The following BCAT2 variants were observed in gnomAD, a reference collection of about 807,000 sequenced individuals.
BCAT2 encodes branched-chain-amino-acid aminotransferase, mitochondrial.
A neutral mutation model predicts 52.9 loss-of-function variants in BCAT2; 44 were observed. That is an observed-to-expected ratio of 0.83 (90% CI 0.65 to 1.07). BCAT2 has a LOEUF of 1.07. BCAT2 is among the 50% of genes least tolerant of loss of function. The pLI, the probability that BCAT2 is intolerant of heterozygous loss-of-function variation, is 0.00. For missense variants in BCAT2, 478 were observed against 521.8 expected (o/e 0.92, Z 0.82); for synonymous variants, 215 against 217.1 (o/e 0.99, Z 0.08).
At position 48,807,143 on chromosome 19, in the gene BCAT2, ACCT is replaced by A. The variant is rs2034806424; in HGVS notation, c.25-72_25-70del. Reference sequence around the variant, plus strand: ...CAGGGGCCCTGGCAGCTCGCTCGCCACCTCCTGCACTTGGAGGTCCCACTGGCC... The same window carrying A: ...CAGGGGCCCTGGCAGCTCGCTCGCCACCTGCACTTGGAGGTCCCACTGGCC... On this transcript the variant is annotated intron_variant, in intron 1 of 10. Coordinates refer to ENST00000316273, the MANE Select transcript of BCAT2 (RefSeq NM_001190.4). The surrounding 1 kb of genome is among the most constrained non-coding windows in gnomAD (Gnocchi z 4.6). The A allele has an allele frequency of 7.5e-7, 1 of 1,335,908 alleles. No homozygotes were observed. The highest frequency in any genetic ancestry group is 1.0e-6 in the Non-Finnish European group (1 of 955,940). The allele number at this position is 1,335,908 out of a possible 1,614,324, so 82.8% of individuals were successfully genotyped here. A position where few individuals can be genotyped will look rare whatever the true frequency, so the allele number is the denominator to read the frequency against.
chr19:48,807,103 G>T lies in BCAT2; in HGVS notation c.25-29C>A. On this transcript the variant is annotated intron_variant, in intron 1 of 10. Transcript: ENST00000316273. The surrounding 1 kb of genome is among the most constrained non-coding windows in gnomAD (Gnocchi z 4.6). Reference sequence around the variant, plus strand: ...GGTGGAGAAAGAAGTGAGAGAGGGGGTGAGTGGGGCACAGCAGGGGCCCTG... The same window carrying T: ...GGTGGAGAAAGAAGTGAGAGAGGGGTTGAGTGGGGCACAGCAGGGGCCCTG... 3 of 1,594,308 alleles carry T rather than the reference G, an allele frequency of 1.9e-6. No individual in the cohort carries two copies. Among genetic ancestry groups the T allele is most frequent in the Non-Finnish European group, 2.6e-6 (3 of 1,165,094 alleles).
chr19:48,804,905 A>C (rs1005400862), intron 3 of BCAT2, among the ~76,000 whole-genome samples: 2 of 151,596 alleles, frequency 1.3e-5, no homozygotes, highest in Non-Finnish European at 2.9e-5. Context: ...CTGTGATTGG[A>C]GGTGTGTGTG....
chr19:48,795,488 G>T (rs1263162988), intron 10 of BCAT2, 24 bp from the exon 11 acceptor site: 4 of 1,613,318 alleles, frequency 2.5e-6, no homozygotes, highest in Non-Finnish European at 3.4e-6. Context: ...GAGGCAGTGC[G>T]TGAGGTGGAA....
At chr19:48,808,304 CAGGAG>C in intron 1 of BCAT2, 1 of 968,284 alleles carries the variant, frequency 1.0e-6, no homozygotes, top group Non-Finnish European at 1.2e-6. Context: ...AGCCTGTGGG[CAGGAG>C]AGCTGCCCTC....
chr19:48,797,548 CTTTTCTTTT>C, intron 6 of BCAT2: 1 of 590,914 alleles, frequency 1.7e-6, no homozygotes, highest in Non-Finnish European at 2.9e-6. Flanking sequence ...ACTTTTCTTT[CTTTTCTTTT>C]CTTTTTTTTT....
rs2034736248 is a variant in BCAT2 at position 48,805,005 on chromosome 19, G to GAAGA, written c.300+1508_300+1511dup. Among the ~76,000 whole-genome samples the GAAGA allele has an allele frequency of 3.3e-5, 5 of 151,990 alleles. No individual in the cohort carries two copies. The South Asian group carries it at 1.0e-3, about 31-fold the overall frequency. ...AAACCTTAAAATTCTGGAAAGGAAG[G>GAAGA]AAGAAAGGAAAAAACAGAGGGAGGG... On this transcript the variant is annotated intron_variant, in intron 3 of 10. Transcript: ENST00000316273.
intron 1 of BCAT2, among the ~76,000 whole-genome samples, chr19:48,810,404 C>G (rs376171970): frequency 2.5e-4 from 38 of 152,204 alleles, no homozygotes; most frequent in Non-Finnish European, 4.6e-4. Context: ...TCTCAGCCAG[C>G]CTGCAGCATC....
Position 48,807,331 on chromosome 19 carries a change from A to C in BCAT2, c.25-257T>G. On this transcript the variant is annotated intron_variant, in intron 1 of 10. Transcript: ENST00000316273. The surrounding 1 kb of genome is among the most constrained non-coding windows in gnomAD (Gnocchi z 4.6). ...GCAAAGTCAAACGCAAGCGCCTCCC[A>C]CCCCAGAGACCTTTGGTCGCAGCCT... 2.5e-6 allele frequency: 1 copy of C among 396,396 alleles called. No homozygotes were observed. The allele number at this position is 396,396 out of a possible 1,614,324, so 24.6% of individuals were successfully genotyped here. A position where few individuals can be genotyped will look rare whatever the true frequency, so the allele number is the denominator to read the frequency against.
chr19:48,799,970 G>T lies in BCAT2; in HGVS notation c.531+11C>A. On this transcript the variant is annotated intron_variant, in intron 5 of 10. Coordinates refer to ENST00000316273, the MANE Select transcript of BCAT2 (RefSeq NM_001190.4). The surrounding 1 kb of genome is among the most constrained non-coding windows in gnomAD (Gnocchi z 5.5). The stretch of plus-strand genomic sequence containing the variant: ...CGCAGCCCAGCTTCCCAGCCCTGGA[G>T]TTGGGCCCACCTCGTTCCCAATGAG... 3 of 1,612,506 alleles carry T rather than the reference G, an allele frequency of 1.9e-6. No homozygotes were observed. The highest frequency in any genetic ancestry group is 2.5e-6 in the Non-Finnish European group (3 of 1,178,946).
In BCAT2 at chr19:48,799,969, A is replaced by T. The variant is rs1345762091; in HGVS notation, c.531+12T>A. 6.2e-7 allele frequency: 1 copy of T among 1,612,300 alleles called. No homozygotes were observed. The highest frequency in any genetic ancestry group is 1.1e-5 in the South Asian group (1 of 90,996). ...CCGCAGCCCAGCTTCCCAGCCCTGG[A>T]GTTGGGCCCACCTCGTTCCCAATGA... On this transcript the variant is annotated intron_variant, in intron 5 of 10. Transcript: ENST00000316273. The surrounding 1 kb of genome is among the most constrained non-coding windows in gnomAD (Gnocchi z 5.5).
chr19:48,804,413 G>A lies in BCAT2; in HGVS notation c.300+2104C>T, dbSNP rs921418561. ...ACAAAAATTAGCCGGGTGTGGTGGC[G>A]GGCGCCTGTAATCCCAGCTACTGGG... On this transcript the variant is annotated intron_variant, in intron 3 of 10. Coordinates refer to ENST00000316273, the MANE Select transcript of BCAT2 (RefSeq NM_001190.4). Among the ~76,000 whole-genome samples, 110 of 151,752 alleles carry A rather than the reference G, an allele frequency of 7.2e-4. 1 individual carries two copies. The highest frequency in any genetic ancestry group is 3.8e-4 in the Non-Finnish European group (26 of 67,906).
In BCAT2 at chr19:48,799,679, C is replaced by A; in HGVS notation, c.691G>T (p.Gly231Cys). The A allele has an allele frequency of 6.3e-7, 1 of 1,578,076 alleles. No homozygotes were observed. The highest frequency in any genetic ancestry group is 2.3e-5 in the East Asian group (1 of 44,252). Residue 231 changes from glycine (G) to cysteine (C), a missense_variant, in exon 6 of 11, where the codon GGT (glycine) becomes TGT (cysteine). Transcript: ENST00000316273. The surrounding 1 kb of genome is among the most constrained non-coding windows in gnomAD (Gnocchi z 5.5). ...WVGGVGNYKL[G>C]GNYGPTVLVQ... ...GGGGATGGGGGTGCTACTTACCCAC[C>A]TAACTTGTAGTTGCCGACCCCGCCC...
Position 48,799,469 on chromosome 19 carries a change from T to C in BCAT2, c.695+206A>G. On this transcript the variant is annotated intron_variant, in intron 6 of 10. Transcript: ENST00000316273. The surrounding 1 kb of genome is among the most constrained non-coding windows in gnomAD (Gnocchi z 5.5). ...ATGCCTTCCCATCTGTGAGCCTTTT[T>C]GTCCATCTGAAAAATAATCCCCTCC... is the stretch of plus-strand genomic sequence containing the variant. 1.5e-6 allele frequency: 1 copy of C among 655,576 alleles called. No individual in the cohort carries two copies. The highest frequency in any genetic ancestry group is 3.3e-5 in the East Asian group (1 of 30,118). 40.6% of individuals were successfully genotyped at this position (655,576 alleles called of 1,614,324 possible). A position where few individuals can be genotyped will look rare whatever the true frequency, so the allele number is the denominator to read the frequency against.
At chr19:48,796,015 G>T in intron 10 of BCAT2, 1 of 354,808 alleles carries the variant, frequency 2.8e-6, no homozygotes. Flanking sequence ...GCTGGCTAAG[G>T]TCTCAGTGAT....
intron 1 of BCAT2, among the ~76,000 whole-genome samples, chr19:48,809,066 C>CAAAA (rs3057799): frequency 0.065 from 1,891 of 28,928 alleles, 631 homozygotes; most frequent in African/African-American, 0.077. Context: ...GAGTGTCTCT[C>CAAAA]AAAAAAAAAA....
rs771392617 is a variant in BCAT2, at chr19:48,799,853, G to C, written c.532-15C>G. On this transcript the variant is annotated splice_polypyrimidine_tract_variant and intron_variant, in intron 5 of 10. Transcript: ENST00000316273. This position sits in a 1 kb window ranked among gnomAD's most constrained non-coding sequence, Gnocchi z 5.5. ...CCCAGCGAGGGCTGCGACGGGCAAA[G>C]GGACAGCGTCAGGAGTCCAGGCCCC... The C allele has an allele frequency of 2.6e-6, 4 of 1,566,388 alleles. No homozygotes were observed. Among genetic ancestry groups the C allele is most frequent in the Non-Finnish European group, 2.6e-6 (3 of 1,156,002 alleles).
chr19:48,797,411 T>C, intron 6 of BCAT2, 78 bp from the exon 7 acceptor site: 3 of 1,547,886 alleles, frequency 1.9e-6, no homozygotes, highest in South Asian at 2.3e-5. Flanking sequence ...AGGCTCATCC[T>C]ACTCTCTCCC....
At position 48,799,925 on chromosome 19, in the gene BCAT2, G is replaced by C; in HGVS notation, c.531+56C>G. On this transcript the variant is annotated intron_variant, in intron 5 of 10. Transcript: ENST00000316273. This position sits in a 1 kb window ranked among gnomAD's most constrained non-coding sequence, Gnocchi z 5.5. ...CCCAGGCCTCCAGGACCCCACCCCT[G>C]CCCTGCAGAATCCAACCCCCGCAGC... The C allele has an allele frequency of 6.2e-7, 1 of 1,607,078 alleles. No individual in the cohort carries two copies. The highest frequency in any genetic ancestry group is 1.1e-5 in the South Asian group (1 of 90,432).
At chr19:48,796,202 A>C (rs118113687) in intron 10 of BCAT2, 8,972 of 595,650 alleles carry the variant, frequency 0.015, 105 homozygotes, top group Non-Finnish European at 0.021. Flanking sequence ...AGCTGAAGAC[A>C]TATCCAGGGC....
Sources: allele counts gnomAD v4.1 joint callset (sites outside exome capture counted in the v4.1 genomes callset), GRCh38; gene constraint gnomAD v4.1.1; non-coding constraint Gnocchi (gnomAD v3.1); transcripts MANE v1.5; gene names NCBI Gene and HGNC (gene_info 2026-07-23, HGNC 2026-07-21).